RANBP17: variants seen among roughly 807,000 people sequenced by gnomAD.
RANBP17 encodes the protein RAN binding protein 17, also known as ran-binding protein 17.
Under a neutral mutation model 141.2 loss-of-function variants are expected in RANBP17, and 158 were observed. That is an observed-to-expected ratio of 1.12 (90% confidence interval 0.98 to 1.28). RANBP17 has a LOEUF of 1.28. RANBP17 is among the 50% of genes most tolerant of loss of function. RANBP17 has a pLI of 0.00. For synonymous variants in RANBP17, 430 were observed against 450.0 expected (o/e 0.96, Z 0.56); for missense variants, 1,438 against 1,290.7 (o/e 1.11, Z -1.75).
intron 24 of RANBP17, among the ~76,000 whole-genome samples, chr5:171,249,471 A>C (rs1174848475): frequency 6.6e-6 from 1 of 152,254 alleles, no homozygotes; most frequent in African/African-American, 2.4e-5. Context: ...AATTCAAAAT[A>C]CTGATTTTAA....
chr5:170,980,913 G>A (rs952755806), intron 14 of RANBP17, among the ~76,000 whole-genome samples: 5 of 152,122 alleles, frequency 3.3e-5, no homozygotes, highest in South Asian at 2.1e-4. Flanking sequence ...AAAAGCCATC[G>A]CCAGCCTGTG....
Position 171,081,816 on chromosome 5 carries a change from A to C in RANBP17, c.1711-88314A>C, listed in dbSNP as rs192018563. 1.8e-3 allele frequency among the ~76,000 whole-genome samples: 271 copies of C among 152,248 alleles called. 1 individual carries two copies. The highest frequency in any genetic ancestry group is 6.4e-3 in the African/African-American group (265 of 41,566). On this transcript the variant is annotated intron_variant, in intron 14 of 27. Transcript: ENST00000523189. The stretch of plus-strand genomic sequence containing the variant: ...CTTACCAGTTTATTGTAATACATGT[A>C]ATATGTTAGATATGTCGAATGCAAT...
chr5:171,089,536 T>C (rs1268689856), intron 14 of RANBP17, among the ~76,000 whole-genome samples: 1 of 151,978 alleles, frequency 6.6e-6, no homozygotes, highest in Admixed American at 6.5e-5. Context: ...GCCTGGGCAA[T>C]GGCGGGCGCC....
chr5:170,981,373 G>A (rs976833317), intron 14 of RANBP17, among the ~76,000 whole-genome samples: 2 of 152,070 alleles, frequency 1.3e-5, no homozygotes, highest in African/African-American at 2.4e-5. Context: ...GGAATGATAG[G>A]GTTTGGCTGT....
chr5:171,262,671 T>C (rs185082330), intron 24 of RANBP17, among the ~76,000 whole-genome samples: 1 of 152,334 alleles, frequency 6.6e-6, no homozygotes, highest in East Asian at 1.9e-4. Flanking sequence ...CTCTTTTAGC[T>C]ACTCAAAAAT....
intron 24 of RANBP17, among the ~76,000 whole-genome samples, chr5:171,257,753 C>T (rs1486930133): frequency 6.6e-6 from 1 of 152,036 alleles, no homozygotes; most frequent in African/African-American, 2.4e-5. Context: ...TTTCTATATA[C>T]CAATAATGAT....
chr5:170,960,542 T>C (rs1304809565), intron 13 of RANBP17, among the ~76,000 whole-genome samples: 1 of 152,224 alleles, frequency 6.6e-6, no homozygotes, highest in East Asian at 1.9e-4. Flanking sequence ...AGCATTCATA[T>C]AGTCATCAAG....
In RANBP17 at chr5:171,241,237, C is replaced by T; in HGVS notation, c.2637+95C>T. The T allele has an allele frequency of 4.4e-6, 4 of 908,540 alleles. No individual in the cohort carries two copies. The South Asian group carries it at 6.7e-5, about 15-fold the overall frequency. The allele number at this position is 908,540 out of a possible 1,614,324, so 56.3% of individuals were successfully genotyped here. A position where few individuals can be genotyped will look rare whatever the true frequency, so the allele number is the denominator to read the frequency against. On this transcript the variant is annotated intron_variant, in intron 23 of 27. Coordinates refer to ENST00000523189, the MANE Select transcript of RANBP17 (RefSeq NM_022897.5). ...TTATAATGAAGCCCAGGGAGTTAGC[C>T]TAGAACATTTTATGTTTTAAGACAG... is the stretch of plus-strand genomic sequence containing the variant.
At chr5:171,150,446 G>A (rs1318914540) in intron 14 of RANBP17, among the ~76,000 whole-genome samples, 1 of 149,796 alleles carries the variant, frequency 6.7e-6, no homozygotes, top group East Asian at 2.0e-4. Context: ...AAAGAAAAAA[G>A]CATTACACAA....
intron 13 of RANBP17, among the ~76,000 whole-genome samples, chr5:170,959,160 C>A (rs1345331268): frequency 6.6e-6 from 1 of 152,194 alleles, no homozygotes; most frequent in Non-Finnish European, 1.5e-5. Flanking sequence ...CTGTGTCTCT[C>A]ATTGCTCTCA....
At chr5:171,174,770 G>GTT (rs1554110485) in intron 16 of RANBP17, among the ~76,000 whole-genome samples, 4 of 151,102 alleles carry the variant, frequency 2.6e-5, no homozygotes, top group Non-Finnish European at 5.9e-5. Flanking sequence ...GTGTGTGTGT[G>GTT]TGTGTGTGTG....
At chr5:171,171,155 T>A in intron 15 of RANBP17, 51 bp from the exon 16 acceptor site, 1 of 1,002,228 alleles carries the variant, frequency 1.0e-6, no homozygotes. Flanking sequence ...CTGGTTCTCC[T>A]TAGACAAGCA....
intron 14 of RANBP17, among the ~76,000 whole-genome samples, chr5:171,061,651 T>A (rs1049325332): frequency 5.7e-4 from 87 of 152,268 alleles, no homozygotes; most frequent in African/African-American, 2.1e-3. Context: ...TGATTTGGGG[T>A]GGAGAGTTCT....
chr5:170,921,145 T>C (rs940779421), intron 11 of RANBP17, among the ~76,000 whole-genome samples: 3 of 152,330 alleles, frequency 2.0e-5, no homozygotes, highest in Admixed American at 2.0e-4. Flanking sequence ...TTTTGGTGTT[T>C]TAGTCATGAA....
At position 170,931,763 on chromosome 5, in the gene RANBP17, T is replaced by C. The variant is rs559273475; in HGVS notation, c.1468+7213T>C. ...AGGGCTCTATTCTGTTCCATTGGTC[T>C]ATATCTCTGTTTTGGTACCAGTACC... On this transcript the variant is annotated intron_variant, in intron 12 of 27. Transcript: ENST00000523189. 2.4e-4 allele frequency among the ~76,000 whole-genome samples: 37 copies of C among 152,274 alleles called. No homozygotes were observed. The South Asian group carries it at 7.0e-3, about 29-fold the overall frequency.
chr5:171,178,291 G>A (rs1255983382), intron 16 of RANBP17, among the ~76,000 whole-genome samples: 1 of 151,274 alleles, frequency 6.6e-6, no homozygotes, highest in Non-Finnish European at 1.5e-5. Flanking sequence ...CTGTTCCTGT[G>A]TTAGTTCGCA....
intron 14 of RANBP17, among the ~76,000 whole-genome samples, chr5:171,137,950 GAT>G (rs67832819): frequency 0.064 from 9,204 of 144,696 alleles, 363 homozygotes; most frequent in East Asian, 0.12. Context: ...TGATATATGA[GAT>G]ATATATATAT....
chr5:171,206,776 C>T (rs1283824189), intron 20 of RANBP17: 1 of 178,834 alleles, frequency 5.6e-6, no homozygotes, highest in Non-Finnish European at 1.2e-5. Flanking sequence ...TAATTTGATA[C>T]TGACATATCT....
chr5:171,292,488 G>T (rs1768549074), intron 25 of RANBP17, among the ~76,000 whole-genome samples: 1 of 152,150 alleles, frequency 6.6e-6, no homozygotes, highest in African/African-American at 2.4e-5. Context: ...ACTTGCCTGA[G>T]ATCACAGGAT....
Sources: allele counts gnomAD v4.1 joint callset (sites outside exome capture counted in the v4.1 genomes callset), GRCh38; gene constraint gnomAD v4.1.1; transcripts MANE v1.5; gene names NCBI Gene and HGNC (gene_info 2026-07-23, HGNC 2026-07-21).